MTMR7: variants seen among roughly 807,000 people sequenced by gnomAD.
The protein encoded by MTMR7 is phosphatidylinositol-3-phosphate phosphatase MTMR7.
In MTMR7, 76 loss-of-function variants were observed where a neutral mutation model predicts 81.2. The observed-to-expected ratio is 0.94, with a 90% confidence interval of 0.78 to 1.13. The LOEUF is 1.13. Among genes scored for constraint, MTMR7 ranks in the 50% most tolerant of loss-of-function variants. The pLI is 0.00. For missense variants in MTMR7, 1,044 were observed against 820.0 expected (o/e 1.27, Z -3.34); for synonymous variants, 372 against 289.8 (o/e 1.28, Z -2.88).
chr8:17,398,396 G>A (rs1821322696), intron 1 of MTMR7, among the ~76,000 whole-genome samples: 1 of 152,150 alleles, frequency 6.6e-6, no homozygotes, highest in African/African-American at 2.4e-5. Context: ...GTTGAAAAAT[G>A]CAATTGCTAT....
intron 3 of MTMR7, among the ~76,000 whole-genome samples, chr8:17,369,935 G>C (rs180893435): frequency 6.6e-6 from 1 of 151,872 alleles, no homozygotes; most frequent in East Asian, 1.9e-4. Flanking sequence ...GTGAGCCACC[G>C]CGTCAGGCCG....
chr8:17,318,490 CA>C (rs907323736), intron 7 of MTMR7, among the ~76,000 whole-genome samples: 5 of 152,164 alleles, frequency 3.3e-5, no homozygotes, highest in Admixed American at 2.0e-4. Context: ...ACTGGAACTG[CA>C]GCAGGAGGAT....
rs201807333 is a variant in MTMR7 at position 17,370,128 on chromosome 8, G to GTT, written c.310+907_310+908dup. On this transcript the variant is annotated intron_variant, in intron 3 of 13. Coordinates refer to ENST00000180173, the MANE Select transcript of MTMR7 (RefSeq NM_004686.5). ...CCAAATGTTCTTCCTACCACATTAA[G>GTT]TTTTTTTTTTTTTTTCCAGGAGAAT... 2.0e-4 allele frequency among the ~76,000 whole-genome samples: 28 copies of GTT among 141,938 alleles called. No homozygotes were observed. The South Asian group carries it at 2.7e-3, about 14-fold the overall frequency. The allele number at this position is 141,938 out of a possible 152,430, so 93.1% of individuals were successfully genotyped here.
intron 10 of MTMR7, among the ~76,000 whole-genome samples, chr8:17,308,182 A>C (rs1417100099): frequency 6.6e-6 from 1 of 152,182 alleles, no homozygotes; most frequent in African/African-American, 2.4e-5. Flanking sequence ...AATCAAAAAA[A>C]AAAGGTTGCC....
At chr8:17,355,142 T>C (rs936851977) in intron 4 of MTMR7, among the ~76,000 whole-genome samples, 1 of 152,194 alleles carries the variant, frequency 6.6e-6, no homozygotes, top group Admixed American at 6.5e-5. Context: ...GGAGACGTTA[T>C]TCCACAAGAT....
chr8:17,412,918 G>C lies in MTMR7; in HGVS notation c.24+351C>G, dbSNP rs185005104. Among the ~76,000 whole-genome samples, 16 of 152,226 alleles carry C rather than the reference G, an allele frequency of 1.1e-4. 1 individual carries two copies. The highest frequency in any genetic ancestry group is 4.2e-4 in the South Asian group (2 of 4,818). On this transcript the variant is annotated intron_variant, in intron 1 of 13. Transcript: ENST00000180173. Reference sequence around the variant, plus strand: ...TATTTCCCTTTCAACTACTCTGAGCGGCCAACAGCTAAAAGAGAAAGCCTC... The same window carrying C: ...TATTTCCCTTTCAACTACTCTGAGCCGCCAACAGCTAAAAGAGAAAGCCTC...
intron 5 of MTMR7, among the ~76,000 whole-genome samples, chr8:17,345,687 C>T (rs1199061339): frequency 1.3e-5 from 2 of 152,218 alleles, no homozygotes; most frequent in African/African-American, 2.4e-5. Flanking sequence ...CATGTGGTAA[C>T]AGCTGATACA....
At chr8:17,372,906 C>G (rs1820463798) in intron 2 of MTMR7, 1 of 516,688 alleles carries the variant, frequency 1.9e-6, no homozygotes, top group South Asian at 2.4e-5. Context: ...TCTCTCTTCA[C>G]TGATGTTCAA....
At chr8:17,326,398 C>T (rs921737091) in intron 7 of MTMR7, 8 of 152,254 alleles carry the variant, frequency 5.3e-5, no homozygotes, top group Non-Finnish European at 1.2e-4. Flanking sequence ...CTTCCATAAA[C>T]GTATCTTCAT....
At chr8:17,390,063 G>C (rs1406645836) in intron 1 of MTMR7, among the ~76,000 whole-genome samples, 2 of 104,324 alleles carry the variant, frequency 1.9e-5, no homozygotes, top group East Asian at 6.3e-4. Flanking sequence ...CATGGAAACA[G>C]GGAATATGTT....
rs367993119 is a variant in MTMR7, at chr8:17,311,676, C to T, written c.976-40G>A. On this transcript the variant is annotated intron_variant, in intron 8 of 13. Coordinates refer to ENST00000180173, the MANE Select transcript of MTMR7 (RefSeq NM_004686.5). ...ATCCGCAAAGAGTCACAAAGAATGG[C>T]TGTAAAAAGGCAGAACCTCTCATCA... 2.5e-6 allele frequency: 4 copies of T among 1,612,832 alleles called. No homozygotes were observed. In the African/African-American group the frequency reaches 5.3e-5, roughly 22 times the overall value.
At position 17,361,229 on chromosome 8, in the gene MTMR7, T is replaced by C; in HGVS notation, c.356A>G (p.Asp119Gly). ...CCAGCCTTGCTCTCTTTCTTCTTTA[T>C]CCAGCATGGGGTTGAATGAAAAGCA... ...LYCFSFNPMLDKEEREQGWVL... is the reference protein window; with the variant it reads ...LYCFSFNPMLGKEEREQGWVL... The change falls in exon 4 of 14, where the codon GAT becomes GGT. Residue 119 changes from aspartate to glycine, a missense_variant. By Grantham distance (94) the Asp-to-Gly change is moderately conservative. Transcript: ENST00000180173. 2 of 1,614,176 alleles carry C rather than the reference T, an allele frequency of 1.2e-6. No homozygotes were observed. The highest frequency in any genetic ancestry group is 1.1e-5 in the South Asian group (1 of 91,078).
intron 1 of MTMR7, among the ~76,000 whole-genome samples, chr8:17,378,788 T>C (rs1425900076): frequency 6.6e-6 from 1 of 152,252 alleles, no homozygotes; most frequent in Non-Finnish European, 1.5e-5. Flanking sequence ...TATTGTGTCA[T>C]TTCATTGGCA....
At chr8:17,392,380 G>A (rs1455734209) in intron 1 of MTMR7, among the ~76,000 whole-genome samples, 1 of 152,138 alleles carries the variant, frequency 6.6e-6, no homozygotes, top group Admixed American at 6.5e-5. Flanking sequence ...ACAGTTTCAC[G>A]TCTTTATCAT....
chr8:17,334,889 A>C (rs1196588149), intron 6 of MTMR7, among the ~76,000 whole-genome samples: 1 of 152,198 alleles, frequency 6.6e-6, no homozygotes. Context: ...ACTTTAACAC[A>C]ATCTGTAAGG....
intron 4 of MTMR7, among the ~76,000 whole-genome samples, chr8:17,351,566 C>A (rs1451415102): frequency 1.3e-5 from 2 of 152,206 alleles, no homozygotes; most frequent in Non-Finnish European, 2.9e-5. Context: ...TTGGCATGTG[C>A]CAGGACAAAG....
intron 2 of MTMR7, among the ~76,000 whole-genome samples, chr8:17,372,814 C>T (rs1820459774): frequency 6.6e-6 from 1 of 152,114 alleles, no homozygotes; most frequent in Non-Finnish European, 1.5e-5. Context: ...GATGACAATG[C>T]TGAATCTGGC....
chr8:17,349,230 G>C, intron 4 of MTMR7, 149 bp from the exon 5 acceptor site: 1 of 875,682 alleles, frequency 1.1e-6, no homozygotes, highest in South Asian at 1.8e-5. Flanking sequence ...GAAACTCAAA[G>C]CCACTTCAGA....
intron 3 of MTMR7, among the ~76,000 whole-genome samples, chr8:17,366,984 G>A (rs1240576405): frequency 7.1e-6 from 1 of 140,354 alleles, no homozygotes; most frequent in Non-Finnish European, 1.5e-5. Flanking sequence ...AAATGAGGGT[G>A]CCTCACCTTA....
Sources: gnomAD v4.1 joint callset for allele counts (sites outside exome capture counted in the v4.1 genomes callset) on GRCh38, gnomAD v4.1.1 for gene constraint, MANE v1.5 for transcripts, NCBI Gene and HGNC (gene_info 2026-07-23, HGNC 2026-07-21) for gene names.